DNAH12: variants seen among roughly 807,000 people sequenced by gnomAD.
The protein encoded by DNAH12 is dynein axonemal heavy chain 12.
A neutral mutation model predicts 371.5 loss-of-function variants in DNAH12; 285 were observed. The ratio of observed to expected loss-of-function variants is 0.77; its 90% confidence interval spans 0.70 to 0.85. The LOEUF (loss-of-function observed/expected upper bound fraction) is 0.85. DNAH12 is among the 40% of genes least tolerant of loss of function. DNAH12 has a pLI of 0.00. For missense variants in DNAH12, 3,611 were observed against 3,689.4 expected, an observed-to-expected ratio of 0.98 and a Z score of 0.55; for synonymous variants, 1,200 against 1,213.0, an observed-to-expected ratio of 0.99 and a Z score of 0.22.
At chr3:57,425,182 T>C in intron 34 of DNAH12, 41 bp from the exon 35 acceptor site, 2 of 677,244 alleles carry the variant, frequency 3.0e-6, no homozygotes, top group South Asian at 3.2e-5. Context: ...ATTTTCATCT[T>C]ATTTAGAAAA....
At chr3:57,457,443 T>A (rs1270597710) in intron 22 of DNAH12, among the ~76,000 whole-genome samples, 1 of 152,188 alleles carries the variant, frequency 6.6e-6, no homozygotes, top group Non-Finnish European at 1.5e-5. Flanking sequence ...AGTTTCAACA[T>A]CACCTTCTCC....
chr3:57,491,099 A>AAAAAACAAC (rs56259991), intron 11 of DNAH12, among the ~76,000 whole-genome samples: 89 of 112,810 alleles, frequency 7.9e-4, no homozygotes, highest in African/African-American at 2.9e-3. Flanking sequence ...AAAAAAAAAA[A>AAAAAACAAC]AACAACAAAT....
intron 13 of DNAH12, among the ~76,000 whole-genome samples, chr3:57,480,639 T>C (rs76609644): frequency 0.11 from 16,050 of 151,896 alleles, 1,000 homozygotes; most frequent in South Asian, 0.15. Flanking sequence ...TAGACCAATA[T>C]CCCTGATGAA....
chr3:57,389,796 A>ATGTGTGTGTGTGTGTGTGTG (rs1491522942), intron 45 of DNAH12, among the ~76,000 whole-genome samples: 1 of 78,812 alleles, frequency 1.3e-5, no homozygotes, highest in South Asian at 5.4e-4. Flanking sequence ...ATATATACAC[A>ATGTGTGTGTGTGTGTGTGTG]TATGTGTGTG....
intron 62 of DNAH12, among the ~76,000 whole-genome samples, chr3:57,324,927 A>G (rs9790302): frequency 6.6e-6 from 1 of 152,220 alleles, no homozygotes; most frequent in Non-Finnish European, 1.5e-5. Flanking sequence ...TATCCCCCAC[A>G]TGGCTCAGAG....
chr3:57,503,798 TA>T (rs1233737902), intron 9 of DNAH12, among the ~76,000 whole-genome samples: 1 of 151,996 alleles, frequency 6.6e-6, no homozygotes, highest in African/African-American at 2.4e-5. Context: ...GACATGCAAA[TA>T]AAAAAATCAA....
At chr3:57,491,999 C>CAA in intron 11 of DNAH12, among the ~76,000 whole-genome samples, 1 of 136,944 alleles carries the variant, frequency 7.3e-6, no homozygotes, top group Non-Finnish European at 1.6e-5. Flanking sequence ...GAGACTCTGT[C>CAA]AAAAAAAAAA....
In DNAH12 at chr3:57,418,354, A is replaced by C. The variant is rs2064448678; in HGVS notation, c.5714+1013T>G. Among the ~76,000 whole-genome samples the C allele has an allele frequency of 2.7e-5, 3 of 112,282 alleles. No homozygotes were observed. In the South Asian group the frequency reaches 1.0e-3, roughly 38 times the overall value. The allele number at this position is 112,282 out of a possible 152,430, so 73.7% of individuals were successfully genotyped here. A position where few individuals can be genotyped will look rare whatever the true frequency, so the allele number is the denominator to read the frequency against. The stretch of plus-strand genomic sequence containing the variant: ...CAGGTGTTCAAGATGAGTCTGGGCA[A>C]CCTGTCTCTACAAAAAAAAAAAAAA... On this transcript the variant is annotated intron_variant, in intron 37 of 73. Coordinates refer to ENST00000495027, the MANE Select transcript of DNAH12 (RefSeq NM_001366028.2).
chr3:57,394,908 C>T (rs2063704633), intron 43 of DNAH12, among the ~76,000 whole-genome samples: 2 of 152,136 alleles, frequency 1.3e-5, no homozygotes. Context: ...AAGATATGGG[C>T]TCAGTAGTGT....
chr3:57,391,246 C>T (rs1441624219), intron 45 of DNAH12, among the ~76,000 whole-genome samples: 3 of 152,152 alleles, frequency 2.0e-5, no homozygotes, highest in African/African-American at 4.8e-5. Flanking sequence ...TGGGCTGCAT[C>T]CAATTGTCCT....
intron 2 of DNAH12, among the ~76,000 whole-genome samples, chr3:57,525,724 C>T (rs1440465658): frequency 6.8e-6 from 1 of 147,588 alleles, no homozygotes; most frequent in Admixed American, 6.8e-5. Flanking sequence ...ATTATAGTTA[C>T]CCTGTCATGC....
At chr3:57,329,077 G>C (rs1309065202) in intron 62 of DNAH12, among the ~76,000 whole-genome samples, 1 of 148,902 alleles carries the variant, frequency 6.7e-6, no homozygotes, top group Non-Finnish European at 1.5e-5. Flanking sequence ...CAAACAAATG[G>C]AGGAACATTC....
chr3:57,454,958 A>C, intron 22 of DNAH12, 64 bp from the exon 23 acceptor site: 2 of 1,505,400 alleles, frequency 1.3e-6, no homozygotes, highest in Non-Finnish European at 1.8e-6. Flanking sequence ...CTAAATGTCT[A>C]ACAATAGAGA....
chr3:57,443,183 C>T (rs1224416101), intron 29 of DNAH12, among the ~76,000 whole-genome samples: 3 of 152,174 alleles, frequency 2.0e-5, no homozygotes, highest in Non-Finnish European at 4.4e-5. Context: ...AATCTCGGCT[C>T]ACTGCAACCT....
intron 58 of DNAH12, among the ~76,000 whole-genome samples, chr3:57,360,656 T>C (rs2062905604): frequency 6.6e-6 from 1 of 150,416 alleles, no homozygotes; most frequent in Non-Finnish European, 1.5e-5. Flanking sequence ...CATTGTACTA[T>C]AGCCTGGGCA....
chr3:57,510,653 A>G, intron 5 of DNAH12, 137 bp downstream of exon 5: 1 of 788,298 alleles, frequency 1.3e-6, no homozygotes, highest in Non-Finnish European at 2.0e-6. Flanking sequence ...AAAAATAAAA[A>G]GAAAAGAAGA....
chr3:57,523,561 A>G (rs763004552), intron 4 of DNAH12, 22 bp downstream of exon 4: 3 of 1,575,670 alleles, frequency 1.9e-6, no homozygotes, highest in Non-Finnish European at 2.6e-6. Flanking sequence ...TTCAAACAAG[A>G]AATATAAAAA....
chr3:57,324,068 T>C lies in DNAH12; in HGVS notation c.9979-449A>G, dbSNP rs116446301. Among the ~76,000 whole-genome samples the C allele has an allele frequency of 2.9e-3, 442 of 152,310 alleles. 1 individual carries two copies. The highest frequency in any genetic ancestry group is 0.01 in the African/African-American group (422 of 41,572). ...CCAGATAATATTTTAAGGAAGCTATTTGCCTTCAACAATTTCTTCTCTTTT... is the reference window on the plus strand; with the variant it reads ...CCAGATAATATTTTAAGGAAGCTATCTGCCTTCAACAATTTCTTCTCTTTT... On this transcript the variant is annotated intron_variant, in intron 62 of 73. Transcript: ENST00000495027.
chr3:57,476,786 T>A (rs948797094), intron 13 of DNAH12, among the ~76,000 whole-genome samples: 5 of 152,062 alleles, frequency 3.3e-5, no homozygotes, highest in Non-Finnish European at 7.4e-5. Context: ...AGAATAAGAG[T>A]AAAATATAGG....
Sources: allele counts gnomAD v4.1 joint callset (sites outside exome capture counted in the v4.1 genomes callset), GRCh38; gene constraint gnomAD v4.1.1; transcripts MANE v1.5; gene names NCBI Gene and HGNC (gene_info 2026-07-23, HGNC 2026-07-21).